GRIK2: variants seen among roughly 807,000 people sequenced by gnomAD.
GRIK2 encodes glutamate ionotropic receptor kainate type subunit 2.
Under a neutral mutation model 100.3 loss-of-function variants are expected in GRIK2, and 32 were observed. The ratio of observed to expected loss-of-function variants is 0.32; its 90% CI spans 0.24 to 0.43. The LOEUF is 0.43. GRIK2 is among the 20% of genes least tolerant of loss of function. The pLI is 1.00. For synonymous variants in GRIK2, 417 were observed against 389.4 expected, an observed-to-expected ratio of 1.07 and a Z score of -0.83; for missense variants, 843 against 1,114.9, an observed-to-expected ratio of 0.76 and a Z score of 3.47.
chr6:101,565,334 A>G (rs1777203961), intron 2 of GRIK2, among the ~76,000 whole-genome samples: 1 of 152,140 alleles, frequency 6.6e-6, no homozygotes, highest in African/African-American at 2.4e-5. Flanking sequence ...ACTTTTCCCA[A>G]CCTTTGTAAA....
chr6:101,472,257 T>C (rs1331201579), intron 2 of GRIK2, among the ~76,000 whole-genome samples: 1 of 151,900 alleles, frequency 6.6e-6, no homozygotes, highest in Non-Finnish European at 1.5e-5. Context: ...GCCAAAAATA[T>C]TGCATTTTCA....
chr6:101,794,725 A>T (rs1246689811), intron 7 of GRIK2, among the ~76,000 whole-genome samples: 2 of 151,212 alleles, frequency 1.3e-5, no homozygotes, highest in Non-Finnish European at 1.5e-5. Context: ...CATTTCATAG[A>T]TCTATTTTTC....
Position 101,869,003 on chromosome 6 carries a change from A to G in GRIK2, c.1524+9510A>G, listed in dbSNP as rs1785222081. 2.0e-5 allele frequency among the ~76,000 whole-genome samples: 3 copies of G among 151,868 alleles called. No individual in the cohort carries two copies. The South Asian group carries it at 6.2e-4, about 31-fold the overall frequency. ...AATATTTTGGGAAACATGAGGGAGT[A>G]TATCTAATTTTGTCAAGGGAAAGGG... On this transcript the variant is annotated intron_variant, in intron 11 of 16. Transcript: ENST00000369134.
chr6:101,675,590 C>T (rs770111013), intron 4 of GRIK2, among the ~76,000 whole-genome samples: 1 of 151,868 alleles, frequency 6.6e-6, no homozygotes, highest in African/African-American at 2.4e-5. Context: ...TCTTTTGTGT[C>T]AGCTCTTTAA....
chr6:102,050,751 AG>A (rs760275579), intron 15 of GRIK2, among the ~76,000 whole-genome samples: 19 of 150,128 alleles, frequency 1.3e-4, no homozygotes, highest in Non-Finnish European at 2.8e-4. Context: ...ATGAAAAAGT[AG>A]GGAGGGAAAA....
At chr6:101,881,690 A>AG (rs1207535002) in intron 11 of GRIK2, among the ~76,000 whole-genome samples, 1 of 151,700 alleles carries the variant, frequency 6.6e-6, no homozygotes, top group Non-Finnish European at 1.5e-5. Context: ...CTAAAAAAAA[A>AG]AAAAATAGAA....
intron 7 of GRIK2, among the ~76,000 whole-genome samples, chr6:101,753,295 A>AAAAAAAAAAAAAAAAAAAAGAAG (rs1562358335): frequency 1.7e-4 from 26 of 151,368 alleles, no homozygotes; most frequent in African/African-American, 6.3e-4. Flanking sequence ...AAAAAAAAAA[A>AAAAAAAAAAAAAAAAAAAAGAAG]AAAAAAAGAA....
At chr6:101,717,178 G>A (rs1774134235) in intron 7 of GRIK2, among the ~76,000 whole-genome samples, 1 of 151,580 alleles carries the variant, frequency 6.6e-6, no homozygotes. Context: ...TTGTAAATGA[G>A]GTATATAAAA....
chr6:101,582,860 T>C (rs1246938764), intron 2 of GRIK2, among the ~76,000 whole-genome samples: 1 of 152,160 alleles, frequency 6.6e-6, no homozygotes, highest in Non-Finnish European at 1.5e-5. Flanking sequence ...GTGGTTTTCA[T>C]GTTATTTGCC....
chr6:101,915,878 C>T (rs1311781814), intron 12 of GRIK2, among the ~76,000 whole-genome samples: 1 of 151,452 alleles, frequency 6.6e-6, no homozygotes, highest in Admixed American at 6.6e-5. Flanking sequence ...TTCCCCCTCT[C>T]TTCAAATATG....
chr6:101,793,673 G>A lies in GRIK2; in HGVS notation c.952-5975G>A, dbSNP rs568083014. ...GGGGTCAGGGGTCAGGGACCCAGTT[G>A]AGGAGGCAGTCTGCCCGTTCTCAGA... On this transcript the variant is annotated intron_variant, in intron 7 of 16. Transcript: ENST00000369134. 6.4e-3 allele frequency among the ~76,000 whole-genome samples: 981 copies of A among 152,334 alleles called. 14 individuals are homozygous for A. The highest frequency in any genetic ancestry group is 0.01 in the Non-Finnish European group (693 of 68,036).
intron 7 of GRIK2, among the ~76,000 whole-genome samples, chr6:101,690,224 T>G (rs930268956): frequency 1.3e-5 from 2 of 151,314 alleles, no homozygotes; most frequent in Non-Finnish European, 3.0e-5. Flanking sequence ...ATTATCAGTA[T>G]TTTTTTTCTT....
intron 14 of GRIK2, among the ~76,000 whole-genome samples, chr6:102,030,319 C>T (rs969972012): frequency 2.6e-5 from 4 of 151,240 alleles, no homozygotes; most frequent in African/African-American, 9.7e-5. Context: ...ATGCTCAAAT[C>T]TCTTCAATCT....
At chr6:101,775,549 G>GTGT (rs777886825) in intron 7 of GRIK2, among the ~76,000 whole-genome samples, 5 of 3,630 alleles carry the variant, frequency 1.4e-3, no homozygotes, top group African/African-American at 2.0e-3. Flanking sequence ...ATATGTGTGT[G>GTGT]AGATATATAT....
chr6:101,975,285 C>A (rs1689129431), intron 14 of GRIK2, among the ~76,000 whole-genome samples: 1 of 151,912 alleles, frequency 6.6e-6, no homozygotes, highest in African/African-American at 2.4e-5. Context: ...TAATCTAAAT[C>A]TTGGGAATAG....
chr6:101,482,134 C>T (rs907752958), intron 2 of GRIK2, among the ~76,000 whole-genome samples: 4 of 152,106 alleles, frequency 2.6e-5, no homozygotes, highest in Non-Finnish European at 5.9e-5. Context: ...AGCAGAAATA[C>T]GTCATTGGTT....
chr6:101,618,149 AT>A (rs915132774), intron 2 of GRIK2, among the ~76,000 whole-genome samples: 5 of 151,190 alleles, frequency 3.3e-5, no homozygotes, highest in Admixed American at 2.6e-4. Flanking sequence ...TTTGAACTTT[AT>A]TTTTTAATGT....
chr6:101,927,087 A>G (rs1789951545), intron 13 of GRIK2, among the ~76,000 whole-genome samples: 1 of 151,790 alleles, frequency 6.6e-6, no homozygotes, highest in Non-Finnish European at 1.5e-5. Flanking sequence ...TTTTTTCCTT[A>G]CAGAGCTGTA....
chr6:101,396,493 T>C (rs1399955328), intron 1 of GRIK2, among the ~76,000 whole-genome samples: 1 of 152,160 alleles, frequency 6.6e-6, no homozygotes, highest in Non-Finnish European at 1.5e-5. Flanking sequence ...ACAATTAATA[T>C]AAGTAGTTTT....
Sources: allele counts gnomAD v4.1 joint callset (sites outside exome capture counted in the v4.1 genomes callset), GRCh38; gene constraint gnomAD v4.1.1; transcripts MANE v1.5; gene names NCBI Gene and HGNC (gene_info 2026-07-23, HGNC 2026-07-21).